Variants in XRRA1 observed in about 807,000 individuals in gnomAD.
XRRA1 encodes X-ray radiation resistance associated 1.
Under a neutral mutation model 80.2 loss-of-function variants are expected in XRRA1, and 69 were observed. The observed-to-expected ratio is 0.86, with a 90% CI of 0.71 to 1.05. The LOEUF (loss-of-function observed/expected upper bound fraction) is 1.05. Ranked by LOEUF, XRRA1 falls within the 50% of genes least tolerant of loss-of-function variation. XRRA1 has a pLI of 0.00. For missense variants in XRRA1, 967 were observed against 976.4 expected (o/e 0.99, Z 0.13); for synonymous variants, 348 against 389.9 (o/e 0.89, Z 1.27).
At chr11:74,938,682 G>C (rs751173297) in intron 3 of XRRA1, among the ~76,000 whole-genome samples, 1 of 152,126 alleles carries the variant, frequency 6.6e-6, no homozygotes, top group Non-Finnish European at 1.5e-5. Flanking sequence ...TTGATAATGT[G>C]AGTGCCCTCA....
intron 15 of XRRA1, among the ~76,000 whole-genome samples, chr11:74,847,615 G>A (rs781366370): frequency 4.6e-5 from 7 of 152,110 alleles, no homozygotes; most frequent in African/African-American, 7.2e-5. Flanking sequence ...CCTGGGCTGG[G>A]GCAGAGGCAT....
rs2036854953 is a variant in XRRA1, at chr11:74,843,200, C to G, written c.2403G>C (p.Ter801TyrextTer62). 2 of 1,555,258 alleles carry G rather than the reference C, an allele frequency of 1.3e-6. No homozygotes were observed. Among genetic ancestry groups the G allele is most frequent in the Admixed American group, 1.9e-5 (1 of 51,354 alleles). ...GTGCACACAGCCCCCATGCACAGCT[C>G]TAGCCTTGTGAGTCACTGGCTGTGG... is the stretch of plus-strand genomic sequence containing the variant. ...QEPTASDSQG[*>Y] The change falls in exon 19 of 19, where the codon TAG becomes TAC. Residue 801 changes from the stop codon to tyrosine (Y), a stop_lost. Transcript: ENST00000684022.
At chr11:74,881,689 G>T (rs561370483) in intron 10 of XRRA1, among the ~76,000 whole-genome samples, 1 of 151,928 alleles carries the variant, frequency 6.6e-6, no homozygotes, top group Admixed American at 6.6e-5. Flanking sequence ...AGGAGCTCTT[G>T]TAAGGCAGGC....
chr11:74,899,523 GA>G (rs1213739168), intron 10 of XRRA1, among the ~76,000 whole-genome samples: 1 of 151,766 alleles, frequency 6.6e-6, no homozygotes, highest in Non-Finnish European at 1.5e-5. Flanking sequence ...GTTAGGCTAA[GA>G]AAAAAACAGA....
chr11:74,895,999 C>T lies in XRRA1; in HGVS notation c.1003+10240G>A, dbSNP rs181790527. Among the ~76,000 whole-genome samples, 319 of 152,302 alleles carry T rather than the reference C, an allele frequency of 2.1e-3. 3 individuals are homozygous for T. The highest frequency in any genetic ancestry group is 3.2e-3 in the Non-Finnish European group (216 of 68,030). On this transcript the variant is annotated intron_variant, in intron 10 of 18. Transcript: ENST00000684022. The stretch of plus-strand genomic sequence containing the variant: ...ATCCCCTGTTGACTAAAGAGCCCTT[C>T]GGCCCTGAATAACCAGCAGCAATAC...
intron 6 of XRRA1, among the ~76,000 whole-genome samples, chr11:74,929,103 T>C (rs1365809363): frequency 6.6e-6 from 1 of 152,236 alleles, no homozygotes; most frequent in African/African-American, 2.4e-5. Context: ...CCTCATCATA[T>C]GCTTCTTTGA....
chr11:74,884,544 A>T (rs1374824378), intron 10 of XRRA1, among the ~76,000 whole-genome samples: 1 of 152,202 alleles, frequency 6.6e-6, no homozygotes, highest in East Asian at 1.9e-4. Context: ...CCTCCTCACC[A>T]GGCACCTATA....
In XRRA1 at chr11:74,921,319, G is replaced by C. The variant is rs749092683; in HGVS notation, c.551C>G (p.Thr184Ser). 3.1e-6 allele frequency: 5 copies of C among 1,614,008 alleles called. No individual in the cohort carries two copies. The South Asian group carries it at 5.5e-5, about 18-fold the overall frequency. The change falls in exon 8 of 19, where the codon ACT (threonine) becomes AGT (serine). Residue 184 changes from threonine to serine, a missense_variant. Coordinates refer to ENST00000684022, the MANE Select transcript of XRRA1 (RefSeq NM_001378157.1). ...EFLDLSFNSL[T>S]VEAICDLGIL... ...CCCCAAATCACAGATGGCCTCCACA[G>C]TCAGGCTGTTGAAGGAAAGGTCCAA... is the stretch of plus-strand genomic sequence containing the variant.
chr11:74,891,564 CAGG>C (rs1291102793), intron 10 of XRRA1, among the ~76,000 whole-genome samples: 1 of 152,092 alleles, frequency 6.6e-6, no homozygotes, highest in Non-Finnish European at 1.5e-5. Context: ...GGCAATCAGG[CAGG>C]AGAAGGAAAT....
At chr11:74,874,263 GAA>G (rs1310104703) in intron 10 of XRRA1, among the ~76,000 whole-genome samples, 4 of 74,078 alleles carry the variant, frequency 5.4e-5, no homozygotes, top group Non-Finnish European at 8.5e-5. Flanking sequence ...AAAAAAAAAA[GAA>G]AGAAACTCAA....
chr11:74,897,611 A>G (rs1422138074), intron 10 of XRRA1, among the ~76,000 whole-genome samples: 1 of 151,866 alleles, frequency 6.6e-6, no homozygotes, highest in African/African-American at 2.4e-5. Flanking sequence ...AGAGATAAGA[A>G]ACAACATACA....
At chr11:74,928,795 T>TAAAGCTAA (rs1267510982) in intron 6 of XRRA1, among the ~76,000 whole-genome samples, 2 of 152,134 alleles carry the variant, frequency 1.3e-5, no homozygotes, top group Admixed American at 6.6e-5. Context: ...TTCCTGGAAG[T>TAAAGCTAA]AAAGCTACTA....
intron 8 of XRRA1, among the ~76,000 whole-genome samples, chr11:74,915,428 C>T (rs535358705): frequency 1.3e-5 from 2 of 152,206 alleles, no homozygotes; most frequent in South Asian, 2.1e-4. Context: ...TGTCAGTTGC[C>T]CTCTTTCCCT....
At chr11:74,945,638 G>GT (rs1393542403) in intron 1 of XRRA1, among the ~76,000 whole-genome samples, 1 of 150,432 alleles carries the variant, frequency 6.6e-6, no homozygotes, top group South Asian at 2.1e-4. Context: ...TCTAAGACAA[G>GT]TAAGATCTTT....
intron 10 of XRRA1, among the ~76,000 whole-genome samples, chr11:74,868,356 C>T (rs2043950725): frequency 1.3e-5 from 2 of 152,144 alleles, no homozygotes; most frequent in Non-Finnish European, 2.9e-5. Context: ...CCAGATATGC[C>T]TTACAAGAGG....
intron 7 of XRRA1, among the ~76,000 whole-genome samples, chr11:74,925,628 C>T (rs117365043): frequency 0.013 from 2,019 of 152,174 alleles, 20 homozygotes; most frequent in South Asian, 0.021. Flanking sequence ...AATACCCTTT[C>T]GTAAGGGTAG....
At chr11:74,911,321 C>T (rs575098711) in intron 8 of XRRA1, 1 of 152,330 alleles carries the variant, frequency 6.6e-6, no homozygotes, top group African/African-American at 2.4e-5. Context: ...AAACAATCCT[C>T]CTGCCTCAGC....
At chr11:74,920,382 T>C (rs1020700449) in intron 8 of XRRA1, among the ~76,000 whole-genome samples, 2 of 152,192 alleles carry the variant, frequency 1.3e-5, no homozygotes, top group African/African-American at 4.8e-5. Context: ...ACTTATTACA[T>C]ATATACACAT....
rs547562601 is a variant in XRRA1 at position 74,891,809 on chromosome 11, T to C, written c.1003+14430A>G. ...TGAGTGAACTCCCATTCACAATTGC[T>C]TCAAAGAGAATAAAATACCTAGGAA... On this transcript the variant is annotated intron_variant, in intron 10 of 18. Transcript: ENST00000684022. Among the ~76,000 whole-genome samples the C allele has an allele frequency of 5.2e-3, 795 of 152,282 alleles. 8 individuals are homozygous for C. Among genetic ancestry groups the C allele is most frequent in the African/African-American group, 0.018 (756 of 41,542 alleles).
Sources: gnomAD v4.1 joint callset for allele counts (sites outside exome capture counted in the v4.1 genomes callset) on GRCh38, gnomAD v4.1.1 for gene constraint, MANE v1.5 for transcripts, NCBI Gene and HGNC (gene_info 2026-07-23, HGNC 2026-07-21) for gene names.